Variants in NOS1AP observed in about 807,000 individuals in gnomAD.
NOS1AP encodes the protein carboxyl-terminal PDZ ligand of neuronal nitric oxide synthase protein.
NOS1AP carries 21 observed loss-of-function variants against 56.2 expected under a neutral mutation model. That is an observed-to-expected ratio of 0.37 (90% CI 0.26 to 0.54). The LOEUF (loss-of-function observed/expected upper bound fraction) is 0.54, where lower values mean the gene tolerates loss of function less well. NOS1AP is among the 20% of genes least tolerant of loss of function. The pLI, the probability that NOS1AP is intolerant of heterozygous loss-of-function variation, is 0.84. For synonymous variants in NOS1AP, 270 were observed against 274.6 expected (o/e 0.98, Z 0.17); for missense variants, 522 against 657.8 (o/e 0.79, Z 2.26).
At chr1:162,104,702 G>A (rs1332397963) in intron 1 of NOS1AP, among the ~76,000 whole-genome samples, 1 of 151,990 alleles carries the variant, frequency 6.6e-6, no homozygotes, top group Non-Finnish European at 1.5e-5. Context: ...TTCTGCTACT[G>A]ATACTTGTCA....
At chr1:162,127,966 GT>G (rs924484090) in intron 1 of NOS1AP, among the ~76,000 whole-genome samples, 21 of 151,340 alleles carry the variant, frequency 1.4e-4, no homozygotes, top group African/African-American at 3.4e-4. Flanking sequence ...ATTTGCTTAT[GT>G]TTTTTTTTGT....
intron 2 of NOS1AP, among the ~76,000 whole-genome samples, chr1:162,232,498 A>G (rs778316985): frequency 6.6e-6 from 1 of 151,964 alleles, no homozygotes; most frequent in Non-Finnish European, 1.5e-5. Flanking sequence ...TCCTCAGGGA[A>G]GCTGAAGAGT....
intron 2 of NOS1AP, among the ~76,000 whole-genome samples, chr1:162,224,584 G>A (rs1652882844): frequency 6.6e-6 from 1 of 152,152 alleles, no homozygotes; most frequent in Non-Finnish European, 1.5e-5. Context: ...GTGGCACTAA[G>A]AGCAATATCT....
intron 2 of NOS1AP, among the ~76,000 whole-genome samples, chr1:162,155,042 A>G (rs1649879972): frequency 6.6e-6 from 1 of 151,898 alleles, no homozygotes. Context: ...ATTAGCAAAG[A>G]TATAGTATAG....
intron 2 of NOS1AP, among the ~76,000 whole-genome samples, chr1:162,229,766 A>G (rs574214543): frequency 6.6e-6 from 1 of 152,280 alleles, no homozygotes; most frequent in South Asian, 2.1e-4. Flanking sequence ...GGGTGGTAGT[A>G]ATACAATGAA....
At chr1:162,136,980 C>T (rs1317601533) in intron 1 of NOS1AP, among the ~76,000 whole-genome samples, 4 of 152,096 alleles carry the variant, frequency 2.6e-5, no homozygotes, top group African/African-American at 7.2e-5. Flanking sequence ...TGAAAAGCAC[C>T]TCGGACTTGC....
chr1:162,177,192 G>C (rs1417703416), intron 2 of NOS1AP, among the ~76,000 whole-genome samples: 5 of 152,152 alleles, frequency 3.3e-5, no homozygotes, highest in Non-Finnish European at 7.3e-5. Context: ...GGGGGAGGAG[G>C]GTGGATTATG....
chr1:162,253,470 A>G (rs1020204471), intron 2 of NOS1AP, among the ~76,000 whole-genome samples: 1 of 152,332 alleles, frequency 6.6e-6, no homozygotes, highest in East Asian at 1.9e-4. Flanking sequence ...ACTTTGCCCA[A>G]TTCAGTTATG....
chr1:162,239,732 G>A (rs1653422752), intron 2 of NOS1AP, among the ~76,000 whole-genome samples: 1 of 152,202 alleles, frequency 6.6e-6, no homozygotes, highest in Non-Finnish European at 1.5e-5. Context: ...AGAGGCCACT[G>A]TGAAGGACAA....
intron 1 of NOS1AP, among the ~76,000 whole-genome samples, chr1:162,076,228 C>T (rs937566484): frequency 1.3e-5 from 2 of 152,204 alleles, no homozygotes; most frequent in African/African-American, 4.8e-5. Context: ...GTCCTGCTGT[C>T]TACCCTCCCC....
In NOS1AP at chr1:162,255,490, A is replaced by ATTTTTT. The variant is rs35637289; in HGVS notation, c.178-31824_178-31819dup. ...ATGCATAGGTTATTTGCTGCTGCTG[A>ATTTTTT]TTTTTTTTTTTTTTTTTTTTTTTTT... On this transcript the variant is annotated intron_variant, in intron 2 of 9. Coordinates refer to ENST00000361897, the MANE Select transcript of NOS1AP (RefSeq NM_014697.3). 2.7e-3 allele frequency among the ~76,000 whole-genome samples: 163 copies of ATTTTTT among 60,964 alleles called. 18 individuals carry two copies. Among genetic ancestry groups the ATTTTTT allele is most frequent in the African/African-American group, 6.2e-3 (124 of 19,886 alleles). The allele number at this position is 60,964 out of a possible 152,430, so 40.0% of individuals were successfully genotyped here. A position where few individuals can be genotyped will look rare whatever the true frequency, so the allele number is the denominator to read the frequency against.
chr1:162,282,534 T>C (rs1427314627), intron 2 of NOS1AP, among the ~76,000 whole-genome samples: 2 of 152,212 alleles, frequency 1.3e-5, no homozygotes, highest in Non-Finnish European at 2.9e-5. Flanking sequence ...AGATTTTGTA[T>C]CTTACTGTCT....
chr1:162,082,018 A>G (rs928257594), intron 1 of NOS1AP, among the ~76,000 whole-genome samples: 1 of 151,722 alleles, frequency 6.6e-6, no homozygotes, highest in South Asian at 2.1e-4. Context: ...TTTGTTGTAC[A>G]GATTATTTCA....
chr1:162,267,016 G>T (rs1024698498), intron 2 of NOS1AP, among the ~76,000 whole-genome samples: 14 of 152,214 alleles, frequency 9.2e-5, no homozygotes, highest in Non-Finnish European at 1.3e-4. Flanking sequence ...TAATGGAGGT[G>T]GTTCATGTGG....
chr1:162,110,471 G>A (rs895196639), intron 1 of NOS1AP, among the ~76,000 whole-genome samples: 5 of 151,984 alleles, frequency 3.3e-5, no homozygotes, highest in African/African-American at 4.8e-5. Flanking sequence ...TTACCTTACC[G>A]GCTGTTATCA....
rs933091178 is a variant in NOS1AP, at chr1:162,338,003, G to A, written c.453+4878G>A. On this transcript the variant is annotated intron_variant, in intron 5 of 9. Transcript: ENST00000361897. ...GATTAAGATCATTTGATAGATATAA[G>A]CTGAATCTTTTACTAAGATTCCCCC... is the stretch of plus-strand genomic sequence containing the variant. Among the ~76,000 whole-genome samples the A allele has an allele frequency of 1.3e-5, 2 of 152,138 alleles. 1 individual carries two copies.
chr1:162,164,983 A>C (rs1001510279), intron 2 of NOS1AP, among the ~76,000 whole-genome samples: 11 of 152,152 alleles, frequency 7.2e-5, no homozygotes, highest in Non-Finnish European at 1.6e-4. Flanking sequence ...AATCCCATAA[A>C]AAGCAGGCGT....
At chr1:162,179,962 G>A (rs777068843) in intron 2 of NOS1AP, among the ~76,000 whole-genome samples, 11 of 152,168 alleles carry the variant, frequency 7.2e-5, no homozygotes, top group Admixed American at 1.3e-4. Context: ...ATTAGTGCTG[G>A]CTGCTGGCAA....
chr1:162,310,472 G>A (rs1226442988), intron 4 of NOS1AP, among the ~76,000 whole-genome samples: 1 of 152,202 alleles, frequency 6.6e-6, no homozygotes, highest in Non-Finnish European at 1.5e-5. Flanking sequence ...TCATTTCTGG[G>A]CCAGCCCATC....
Sources: allele counts gnomAD v4.1 joint callset (sites outside exome capture counted in the v4.1 genomes callset), GRCh38; gene constraint gnomAD v4.1.1; transcripts MANE v1.5; gene names NCBI Gene and HGNC (gene_info 2026-07-23, HGNC 2026-07-21).